The following DPY19L2 variants were observed in gnomAD, a reference collection of about 807,000 sequenced individuals.
DPY19L2 encodes the protein probable C-mannosyltransferase DPY19L2.
DPY19L2 carries 34 observed loss-of-function variants against 97.9 expected under a neutral mutation model. That is an observed-to-expected ratio of 0.35 (90% CI 0.26 to 0.46). DPY19L2 has a LOEUF of 0.46. Among genes scored for constraint, DPY19L2 ranks in the 20% least tolerant of loss-of-function variants. DPY19L2 has a pLI of 1.00. For missense variants in DPY19L2, 623 were observed against 911.4 expected, an observed-to-expected ratio of 0.68 and a Z score of 4.07; for synonymous variants, 230 against 307.9, an observed-to-expected ratio of 0.75 and a Z score of 2.65.
In DPY19L2 at chr12:63,583,561, T is replaced by C. The variant is rs141253547; in HGVS notation, c.1605+251A>G. Among the ~76,000 whole-genome samples the C allele has an allele frequency of 9.0e-3, 1,377 of 152,326 alleles. 29 individuals carry two copies. Among genetic ancestry groups the C allele is most frequent in the African/African-American group, 0.032 (1,310 of 41,566 alleles). Reference sequence around the variant, plus strand: ...AGCAGGCTAGAAACTGAATGCTTGTTATTGTTAAATGAATGCAATTTAATT... The same window carrying C: ...AGCAGGCTAGAAACTGAATGCTTGTCATTGTTAAATGAATGCAATTTAATT... On this transcript the variant is annotated intron_variant, in intron 17 of 21. Coordinates refer to ENST00000324472, the MANE Select transcript of DPY19L2 (RefSeq NM_173812.5).
At chr12:63,594,853 A>G (rs1490983160) in intron 15 of DPY19L2, among the ~76,000 whole-genome samples, 1 of 152,134 alleles carries the variant, frequency 6.6e-6, no homozygotes, top group African/African-American at 2.4e-5. Context: ...TGGCCCCTCT[A>G]AGTGGAGCCT....
intron 4 of DPY19L2, among the ~76,000 whole-genome samples, chr12:63,654,984 T>C (rs1012315356): frequency 2.0e-5 from 3 of 152,032 alleles, no homozygotes; most frequent in Non-Finnish European, 2.9e-5. Flanking sequence ...TCCCCCAAAA[T>C]TGAGACAAAC....
chr12:63,611,809 G>A (rs547497659), intron 11 of DPY19L2, among the ~76,000 whole-genome samples: 2 of 152,134 alleles, frequency 1.3e-5, no homozygotes, highest in East Asian at 3.9e-4. Context: ...TATGCATGTA[G>A]TGAGAGTCCC....
At chr12:63,624,375 G>A (rs1394749557) in intron 7 of DPY19L2, among the ~76,000 whole-genome samples, 1 of 151,986 alleles carries the variant, frequency 6.6e-6, no homozygotes, top group Non-Finnish European at 1.5e-5. Context: ...GGAAACCCAA[G>A]GGACAAACAA....
At chr12:63,595,593 C>G (rs946001821) in intron 15 of DPY19L2, among the ~76,000 whole-genome samples, 6 of 152,202 alleles carry the variant, frequency 3.9e-5, no homozygotes, top group African/African-American at 1.4e-4. Context: ...TTTCATAGCA[C>G]CTATAAAAAT....
rs1450574691 is a variant in DPY19L2 at position 63,668,218 on chromosome 12, A to G, written c.176T>C (p.Ile59Thr). The G allele has an allele frequency of 6.2e-7, 1 of 1,613,350 alleles. No individual in the cohort carries two copies. Among genetic ancestry groups the G allele is most frequent in the Non-Finnish European group, 8.5e-7 (1 of 1,179,780 alleles). ...RGSWRSSPGR[I>T]QSLKERKGLE... ...GCCTTTTCGCTCTTTCAGACTTTGG[A>G]TCCTCCCCGGGGAGGACCTCCAGGA... Residue 59 changes from isoleucine (I) to threonine (T), a missense_variant, in exon 1 of 22, where the codon ATC becomes ACC. Ile to Thr is a moderately conservative substitution (Grantham distance 89). Transcript: ENST00000324472.
intron 1 of DPY19L2, 76 bp from the exon 2 acceptor site, chr12:63,665,935 G>GT: frequency 7.9e-7 from 1 of 1,266,248 alleles, no homozygotes; most frequent in Non-Finnish European, 1.1e-6. Context: ...TATTTCAAAT[G>GT]TATTATTTTA....
intron 13 of DPY19L2, among the ~76,000 whole-genome samples, chr12:63,600,046 CAAAT>C (rs1251724130): frequency 6.6e-6 from 1 of 152,034 alleles, no homozygotes; most frequent in Non-Finnish European, 1.5e-5. Flanking sequence ...GAAATATAAA[CAAAT>C]AACTACTTAA....
intron 20 of DPY19L2, 24 bp downstream of exon 20, chr12:63,570,734 A>C (rs138738493): frequency 0.035 from 56,782 of 1,603,224 alleles, 1,045 homozygotes; most frequent in Middle Eastern, 0.063. Flanking sequence ...GTGAGTCTTG[A>C]AGAAATACTC....
chr12:63,600,687 C>T (rs1160744909), intron 12 of DPY19L2, among the ~76,000 whole-genome samples: 1 of 146,302 alleles, frequency 6.8e-6, no homozygotes, highest in African/African-American at 2.6e-5. Flanking sequence ...AAGAAAACAG[C>T]TCCCCGTACA....
Position 63,609,328 on chromosome 12 carries a change from A to G in DPY19L2, c.1219-653T>C, listed in dbSNP as rs1270247022. The stretch of plus-strand genomic sequence containing the variant: ...ATAAAGCTAGGGTCCTCAAAACTAT[A>G]CCTGCAGTGCTATGAACTGAGTATT... On this transcript the variant is annotated intron_variant, in intron 11 of 21. Coordinates refer to ENST00000324472, the MANE Select transcript of DPY19L2 (RefSeq NM_173812.5). Among the ~76,000 whole-genome samples, 4 of 151,992 alleles carry G rather than the reference A, an allele frequency of 2.6e-5. No homozygotes were observed. The South Asian group carries it at 6.2e-4, about 24-fold the overall frequency.
intron 6 of DPY19L2, among the ~76,000 whole-genome samples, chr12:63,627,639 C>T (rs778195003): frequency 5.9e-5 from 9 of 152,116 alleles, no homozygotes; most frequent in Non-Finnish European, 7.4e-5. Flanking sequence ...CGTGAGCCAC[C>T]GCACCCGGCC....
At chr12:63,618,930 T>A in intron 9 of DPY19L2, among the ~76,000 whole-genome samples, 1 of 152,182 alleles carries the variant, frequency 6.6e-6, no homozygotes. Context: ...AAAGGCCAGA[T>A]AATAAATATG....
intron 6 of DPY19L2, among the ~76,000 whole-genome samples, chr12:63,626,831 T>C (rs955643220): frequency 5.3e-5 from 8 of 152,028 alleles, no homozygotes; most frequent in African/African-American, 1.9e-4. Flanking sequence ...CAGGCTGGAG[T>C]GCAGTGTCGA....
At chr12:63,590,379 T>C (rs1390506881) in intron 16 of DPY19L2, among the ~76,000 whole-genome samples, 1 of 152,170 alleles carries the variant, frequency 6.6e-6, no homozygotes, top group Non-Finnish European at 1.5e-5. Context: ...GGCCTCATAA[T>C]CAGCAGTCCA....
At chr12:63,628,088 G>C (rs1201458578) in intron 6 of DPY19L2, among the ~76,000 whole-genome samples, 1 of 152,252 alleles carries the variant, frequency 6.6e-6, no homozygotes, top group South Asian at 2.1e-4. Flanking sequence ...GTGAGGGGTG[G>C]AGCCAAGATG....
intron 16 of DPY19L2, chr12:63,590,887 T>C: frequency 3.2e-6 from 1 of 310,566 alleles, no homozygotes; most frequent in Non-Finnish European, 6.7e-6. Flanking sequence ...AAATATGTAA[T>C]CAATACATAG....
chr12:63,632,238 T>C lies in DPY19L2; in HGVS notation c.804-5712A>G, dbSNP rs188675685. ...AGGGCAATCAGGCAGGAGAAGGAAA[T>C]AAAAGGTATTCAATTAGGAAAAGAG... On this transcript the variant is annotated intron_variant, in intron 6 of 21. Transcript: ENST00000324472. 2.6e-3 allele frequency among the ~76,000 whole-genome samples: 390 copies of C among 152,178 alleles called. 2 individuals are homozygous for C. Among genetic ancestry groups the C allele is most frequent in the African/African-American group, 8.0e-3 (334 of 41,524 alleles).
chr12:63,622,878 C>T (rs746250710), intron 8 of DPY19L2, among the ~76,000 whole-genome samples: 5 of 152,060 alleles, frequency 3.3e-5, no homozygotes, highest in East Asian at 3.9e-4. Context: ...GTGAGCCGAT[C>T]GTGCCACTGC....
Sources: gnomAD v4.1 joint callset for allele counts (sites outside exome capture counted in the v4.1 genomes callset) on GRCh38, gnomAD v4.1.1 for gene constraint, MANE v1.5 for transcripts, NCBI Gene and HGNC (gene_info 2026-07-23, HGNC 2026-07-21) for gene names.